MYO1D: variants seen among roughly 807,000 people sequenced by gnomAD.
MYO1D encodes unconventional myosin-Id.
MYO1D carries 83 observed loss-of-function variants against 122.0 expected under a neutral mutation model. That is an observed-to-expected ratio of 0.68 (90% CI 0.57 to 0.82). The LOEUF (loss-of-function observed/expected upper bound fraction) is 0.82, where lower values mean the gene tolerates loss of function less well. Ranked by LOEUF, MYO1D falls within the 40% of genes least tolerant of loss-of-function variation. MYO1D has a pLI of 0.00. For missense variants in MYO1D, 1,157 were observed against 1,269.5 expected, an observed-to-expected ratio of 0.91 and a Z score of 1.35; for synonymous variants, 464 against 446.9, an observed-to-expected ratio of 1.04 and a Z score of -0.48.
chr17:32,716,299 G>A (rs1188414352), intron 15 of MYO1D, among the ~76,000 whole-genome samples: 2 of 152,138 alleles, frequency 1.3e-5, no homozygotes, highest in East Asian at 1.9e-4. Flanking sequence ...TCTCTCTAAG[G>A]CAACTAGTTT....
rs531357908 is a variant in MYO1D at position 32,854,796 on chromosome 17, C to T, written c.95+21982G>A. On this transcript the variant is annotated intron_variant, in intron 1 of 21. Coordinates refer to ENST00000318217, the MANE Select transcript of MYO1D (RefSeq NM_015194.3). ...AAGGTTGAATAGGCACAATAAAGTC[C>T]GTAACTATAGCTACAGAATACATGA... is the stretch of plus-strand genomic sequence containing the variant. Among the ~76,000 whole-genome samples the T allele has an allele frequency of 3.9e-5, 6 of 152,214 alleles. No individual in the cohort carries two copies. The South Asian group carries it at 6.2e-4, about 16-fold the overall frequency.
chr17:32,805,362 C>T (rs185833813), intron 1 of MYO1D, among the ~76,000 whole-genome samples: 59 of 152,260 alleles, frequency 3.9e-4, no homozygotes, highest in Admixed American at 1.8e-3. Context: ...TTTGGTTTCA[C>T]GCCTAATCCT....
chr17:32,763,844 C>T (rs1349251209), intron 8 of MYO1D, among the ~76,000 whole-genome samples: 8 of 152,220 alleles, frequency 5.3e-5, no homozygotes, highest in East Asian at 1.9e-4. Context: ...CACTTGAACC[C>T]GGGAGGTGGA....
chr17:32,584,213 C>T (rs560396601), intron 21 of MYO1D, among the ~76,000 whole-genome samples: 1 of 152,262 alleles, frequency 6.6e-6, no homozygotes, highest in South Asian at 2.1e-4. Context: ...GTACTTTTAC[C>T]TCTGTGCTTT....
At chr17:32,521,626 G>C (rs1910141859) in intron 21 of MYO1D, among the ~76,000 whole-genome samples, 1 of 152,126 alleles carries the variant, frequency 6.6e-6, no homozygotes, top group South Asian at 2.1e-4. Context: ...TTGGTCCATA[G>C]AACCCTAGCC....
chr17:32,634,847 C>T (rs775680995), intron 20 of MYO1D, among the ~76,000 whole-genome samples: 2 of 152,166 alleles, frequency 1.3e-5, no homozygotes, highest in African/African-American at 2.4e-5. Context: ...CTGCTCCTTT[C>T]TGCTGGGAAA....
At chr17:32,651,819 G>C (rs994052712) in intron 19 of MYO1D, among the ~76,000 whole-genome samples, 8 of 151,792 alleles carry the variant, frequency 5.3e-5, no homozygotes, top group Non-Finnish European at 1.5e-5. Context: ...GGGACTACAG[G>C]TGCACACCAC....
At chr17:32,539,661 T>C (rs1161869893) in intron 21 of MYO1D, among the ~76,000 whole-genome samples, 6 of 152,184 alleles carry the variant, frequency 3.9e-5, no homozygotes. Context: ...CTTTCTTTTA[T>C]AAGGATTTAT....
At chr17:32,749,942 T>G (rs1000859840) in intron 11 of MYO1D, among the ~76,000 whole-genome samples, 4 of 152,164 alleles carry the variant, frequency 2.6e-5, no homozygotes, top group African/African-American at 7.2e-5. Context: ...GTTACACACA[T>G]GGAAACTGAG....
intron 1 of MYO1D, among the ~76,000 whole-genome samples, chr17:32,835,312 G>A (rs1041836694): frequency 6.6e-6 from 1 of 152,016 alleles, no homozygotes; most frequent in African/African-American, 2.4e-5. Context: ...CTGCACAACA[G>A]CACATTTCCC....
chr17:32,530,770 C>T (rs1355307824), intron 21 of MYO1D, among the ~76,000 whole-genome samples: 2 of 152,090 alleles, frequency 1.3e-5, no homozygotes, highest in Non-Finnish European at 2.9e-5. Flanking sequence ...CACTGCACCC[C>T]AGCCTGGGCA....
intron 1 of MYO1D, among the ~76,000 whole-genome samples, chr17:32,848,199 T>C (rs529105715): frequency 3.9e-5 from 6 of 152,338 alleles, no homozygotes; most frequent in Non-Finnish European, 7.4e-5. Context: ...ATTAGGGCAA[T>C]TGTAAAATCT....
At chr17:32,659,381 T>C in intron 16 of MYO1D, 43 bp from the exon 17 acceptor site, 2 of 1,591,988 alleles carry the variant, frequency 1.3e-6, no homozygotes, top group Non-Finnish European at 8.6e-7. Flanking sequence ...ATTGACCGGC[T>C]GAGTTGTGGA....
chr17:32,842,119 G>A (rs2090888587), intron 1 of MYO1D, among the ~76,000 whole-genome samples: 1 of 152,174 alleles, frequency 6.6e-6, no homozygotes, highest in African/African-American at 2.4e-5. Flanking sequence ...GACAAATTAA[G>A]ATGAGCCATT....
In MYO1D at chr17:32,781,308, T is replaced by C. The variant is rs149655385; in HGVS notation, c.96-524A>G. Among the ~76,000 whole-genome samples, 82 of 152,264 alleles carry C rather than the reference T, an allele frequency of 5.4e-4. 1 individual carries two copies. The highest frequency in any genetic ancestry group is 1.9e-3 in the African/African-American group (78 of 41,552). ...ACACTTCTGCTCTAAATCAAACTTA[T>C]TTTTTTATGACTGCCTAAAGTTCCA... is the stretch of plus-strand genomic sequence containing the variant. On this transcript the variant is annotated intron_variant, in intron 1 of 21. Transcript: ENST00000318217.
rs115596729 is a variant in MYO1D, at chr17:32,738,205, G to A, written c.1746+48C>T. 1,841 of 1,488,074 alleles carry A rather than the reference G, an allele frequency of 1.2e-3. 13 individuals are homozygous for A. The African/African-American group carries it at 0.015, about 12-fold the overall frequency. The allele number at this position is 1,488,074 out of a possible 1,614,324, so 92.2% of individuals were successfully genotyped here. On this transcript the variant is annotated intron_variant, in intron 14 of 21. Coordinates refer to ENST00000318217, the MANE Select transcript of MYO1D (RefSeq NM_015194.3). ...ACATACATTCTTTATAATACATCAA[G>A]AGGAAATCTATGAGTTAAAATGGAT...
chr17:32,570,528 A>T (rs2087215344), intron 21 of MYO1D, among the ~76,000 whole-genome samples: 1 of 151,862 alleles, frequency 6.6e-6, no homozygotes, highest in Non-Finnish European at 1.5e-5. Flanking sequence ...ATTTTTTTGT[A>T]TTTTTAGTAG....
intron 1 of MYO1D, among the ~76,000 whole-genome samples, chr17:32,829,423 T>C (rs1306339867): frequency 1.3e-5 from 2 of 152,226 alleles, no homozygotes; most frequent in African/African-American, 4.8e-5. Context: ...AATTACTTTC[T>C]AGGGGTAGGA....
At chr17:32,506,733 T>A (rs571113988) in intron 21 of MYO1D, among the ~76,000 whole-genome samples, 4 of 152,386 alleles carry the variant, frequency 2.6e-5, no homozygotes, top group East Asian at 1.9e-4. Flanking sequence ...AGATGCCATT[T>A]AAATCATGAT....
Sources: gnomAD v4.1 joint callset for allele counts (sites outside exome capture counted in the v4.1 genomes callset) on GRCh38, gnomAD v4.1.1 for gene constraint, MANE v1.5 for transcripts, NCBI Gene and HGNC (gene_info 2026-07-23, HGNC 2026-07-21) for gene names.